PLAGL1: variants seen among roughly 807,000 people sequenced by gnomAD.
PLAGL1 encodes the protein zinc finger protein PLAGL1.
Under a neutral mutation model 4.6 loss-of-function variants are expected in PLAGL1, and 1 was observed. The ratio of observed to expected loss-of-function variants is 0.22; its 90% CI spans 0.08 to 1.03. The LOEUF (loss-of-function observed/expected upper bound fraction) is 1.03. Among genes scored for constraint, PLAGL1 ranks in the 50% least tolerant of loss-of-function variants. The probability of loss-of-function intolerance (pLI) is 0.58; values close to 1 mark genes in which losing one functional copy is unlikely to be tolerated. For synonymous variants in PLAGL1, 240 were observed against 237.8 expected, an observed-to-expected ratio of 1.01 and a Z score of -0.08; for missense variants, 464 against 570.4, an observed-to-expected ratio of 0.81 and a Z score of 1.90.
chr6:143,998,733 C>T (rs917436807), intron 1 of PLAGL1, among the ~76,000 whole-genome samples: 2 of 151,650 alleles, frequency 1.3e-5, no homozygotes, highest in East Asian at 1.9e-4. Context: ...AGTGAGTATT[C>T]TCTGAACAGA....
intron 1 of PLAGL1, among the ~76,000 whole-genome samples, chr6:144,002,457 T>G (rs185353616): frequency 2.0e-5 from 3 of 152,102 alleles, no homozygotes; most frequent in African/African-American, 7.2e-5. Flanking sequence ...AAAAAGAGAA[T>G]AGAATTGTAA....
rs193188747 is a variant in PLAGL1 at position 143,974,026 on chromosome 6, G to A, written c.-543-5048C>T. Among the ~76,000 whole-genome samples the A allele has an allele frequency of 3.1e-3, 466 of 152,300 alleles. 3 individuals are homozygous for A. Among genetic ancestry groups the A allele is most frequent in the African/African-American group, 0.011 (438 of 41,572 alleles). ...TGTATAAATGAGTTGTGTGTTTGTT[G>A]GGGTGAGGATGGTTAGTCAAGGAGA... On this transcript the variant is annotated intron_variant, in intron 2 of 7. Coordinates refer to ENST00000674357, the MANE Select transcript of PLAGL1 (RefSeq NM_001317162.2).
In PLAGL1 at chr6:143,970,511, C is replaced by A. The variant is rs1583300180; in HGVS notation, c.-543-1533G>T. Among the ~76,000 whole-genome samples, 1 of 152,026 alleles carries A rather than the reference C, an allele frequency of 6.6e-6. No individual in the cohort carries two copies. The highest frequency in any genetic ancestry group is 1.9e-4 in the East Asian group (1 of 5,200). On this transcript the variant is annotated intron_variant, in intron 2 of 7. Transcript: ENST00000674357. This position sits in a 1 kb window ranked among gnomAD's most constrained non-coding sequence, Gnocchi z 5.8. ...TAGATAGTTCTGTATTTCAGAATAG[C>A]TTTCTTGCAACTAAATCTAGTGGGT...
chr6:143,974,225 T>G (rs1359395294), intron 2 of PLAGL1, among the ~76,000 whole-genome samples: 2 of 152,234 alleles, frequency 1.3e-5, no homozygotes, highest in African/African-American at 4.8e-5. Flanking sequence ...CTCCGTTCCA[T>G]TTGTCACTAA....
In PLAGL1 at chr6:144,055,764, C is replaced by T. The variant is rs1256980049; in HGVS notation, c.-151+8704G>A. On this transcript the variant is annotated intron_variant, in intron 1 of 3. Transcript: ENST00000437412. The surrounding 1 kb of genome is among the most constrained non-coding windows in gnomAD (Gnocchi z 5.0). ...GGTGCCTTTAGGAAAGTGAAAGCTACATTTACATTATTAACGATAACAAGT... is the reference window on the plus strand; with the variant it reads ...GGTGCCTTTAGGAAAGTGAAAGCTATATTTACATTATTAACGATAACAAGT... Among the ~76,000 whole-genome samples, 1 of 152,202 alleles carries T rather than the reference C, an allele frequency of 6.6e-6. No homozygotes were observed. Among genetic ancestry groups the T allele is most frequent in the Non-Finnish European group, 1.5e-5 (1 of 68,040 alleles).
intron 1 of PLAGL1, among the ~76,000 whole-genome samples, chr6:144,002,563 A>C (rs549275236): frequency 1.7e-4 from 26 of 152,302 alleles, no homozygotes; most frequent in African/African-American, 6.0e-4. Flanking sequence ...CAAAACTATA[A>C]GTGAATTTAG....
intron 1 of PLAGL1, among the ~76,000 whole-genome samples, chr6:144,040,748 C>G (rs1056011885): frequency 1.8e-4 from 27 of 151,822 alleles, no homozygotes; most frequent in Non-Finnish European, 3.7e-4. Flanking sequence ...TAGCACATGC[C>G]TGTAATCCCA....
chr6:143,955,271 G>A lies in PLAGL1; in HGVS notation c.-325+5198C>T, dbSNP rs1415791846. Among the ~76,000 whole-genome samples, 1 of 152,144 alleles carries A rather than the reference G, an allele frequency of 6.6e-6. No homozygotes were observed. The highest frequency in any genetic ancestry group is 2.4e-5 in the African/African-American group (1 of 41,446). On this transcript the variant is annotated intron_variant, in intron 6 of 7. Coordinates refer to ENST00000674357, the MANE Select transcript of PLAGL1 (RefSeq NM_001317162.2). The surrounding 1 kb of genome is among the most constrained non-coding windows in gnomAD (Gnocchi z 4.9). ...GGAGGTGGTCTATTTCAGGCCAAGG[G>A]AATGAATCCAACCACCTGGAGAATA...
chr6:143,980,942 T>G (rs868234513), intron 2 of PLAGL1, among the ~76,000 whole-genome samples: 5 of 152,194 alleles, frequency 3.3e-5, no homozygotes, highest in Admixed American at 6.5e-5. Context: ...TAAATAAAAT[T>G]TTATTGGAAT....
At position 143,997,334 on chromosome 6, in the gene PLAGL1, G is replaced by A. The variant is rs575038005; in HGVS notation, c.-584+10756C>T. ...TGTCCACCAAAAGACTTGTGAATGA[G>A]TATTCACAGCAGGTCTATTTGTAAG... On this transcript the variant is annotated intron_variant, in intron 1 of 7. Coordinates refer to ENST00000674357, the MANE Select transcript of PLAGL1 (RefSeq NM_001317162.2). This position sits in a 1 kb window ranked among gnomAD's most constrained non-coding sequence, Gnocchi z 4.6. 9.4e-4 allele frequency among the ~76,000 whole-genome samples: 143 copies of A among 152,230 alleles called. No individual in the cohort carries two copies. Among genetic ancestry groups the A allele is most frequent in the African/African-American group, 3.3e-3 (138 of 41,524 alleles).
At chr6:144,010,101 T>A (rs966211491), upstream of PLAGL1, among the ~76,000 whole-genome samples, 3 of 152,206 alleles carry the variant, frequency 2.0e-5, no homozygotes, top group African/African-American at 7.2e-5. This position sits in a 1 kb window ranked among gnomAD's most constrained non-coding sequence, Gnocchi z 4.1. Context: ...CACACTGTCT[T>A]CCACGATGGT....
At chr6:143,986,005 T>C (rs1004297332) in intron 1 of PLAGL1, among the ~76,000 whole-genome samples, 1 of 138,218 alleles carries the variant, frequency 7.2e-6, no homozygotes, top group Admixed American at 7.3e-5. Flanking sequence ...TATATATATA[T>C]ATATATCATT....
In PLAGL1 at chr6:143,960,410, G is replaced by A. The variant is rs78390901; in HGVS notation, c.-325+59C>T. 1 of 152,324 alleles carries A rather than the reference G, an allele frequency of 6.6e-6. No homozygotes were observed. The highest frequency in any genetic ancestry group is 1.9e-4 in the East Asian group (1 of 5,192). 9.4% of individuals were successfully genotyped at this position (152,324 alleles called of 1,614,324 possible). On this transcript the variant is annotated intron_variant, in intron 6 of 7. Transcript: ENST00000674357. This position sits in a 1 kb window ranked among gnomAD's most constrained non-coding sequence, Gnocchi z 5.7. The stretch of plus-strand genomic sequence containing the variant: ...TCCAGCATGTTCTTGCCTATGATGT[G>A]TTTCCAAGCAATCGTTAATAAACAT...
intron 1 of PLAGL1, among the ~76,000 whole-genome samples, chr6:144,017,471 T>C (rs1353937220): frequency 1.3e-5 from 2 of 152,206 alleles, no homozygotes; most frequent in African/African-American, 4.8e-5. Flanking sequence ...GACTGACATT[T>C]AGTCAACATA....
At position 143,942,271 on chromosome 6, in the gene PLAGL1, T is replaced by C; in HGVS notation, c.545A>G (p.Lys182Arg). 6.2e-7 allele frequency: 1 copy of C among 1,614,084 alleles called. No homozygotes were observed. Among genetic ancestry groups the C allele is most frequent in the African/African-American group, 1.3e-5 (1 of 75,030 alleles). The change falls in exon 8 of 8, where the codon AAG (lysine) becomes AGG (arginine). Residue 182 changes from lysine to arginine, a missense_variant. Lys to Arg is a conservative substitution (Grantham distance 26). Around this residue, in one of 4 missense-constraint regions of PLAGL1, gnomAD observed 35 missense variants for 77.3 expected, o/e 0.45. Coordinates refer to ENST00000674357, the MANE Select transcript of PLAGL1 (RefSeq NM_001317162.2). This position sits in a 1 kb window ranked among gnomAD's most constrained non-coding sequence, Gnocchi z 7.6. ...RRHLVVHTGC[K>R]DFLCQFCAQR... ...GGCACAGAACTGGCACAGGAAGTCC[T>C]TGCATCCTGTGTGGACCACCAGGTG...
intron 1 of PLAGL1, among the ~76,000 whole-genome samples, chr6:144,002,669 ACT>A (rs1031979180): frequency 2.6e-5 from 4 of 152,200 alleles, no homozygotes; most frequent in African/African-American, 2.4e-5. Context: ...GAAAAAAAAA[ACT>A]CCACCACTTA....
chr6:143,972,027 C>A lies in PLAGL1; in HGVS notation c.-543-3049G>T, dbSNP rs1785516115. 6.6e-6 allele frequency among the ~76,000 whole-genome samples: 1 copy of A among 152,174 alleles called. No individual in the cohort carries two copies. Among genetic ancestry groups the A allele is most frequent in the South Asian group, 2.1e-4 (1 of 4,836 alleles). ...ACAAACTTGCTAAAGCAAAAAAGGG[C>A]ATAATAGTTCTCTGCAGAGGAAGAA... On this transcript the variant is annotated intron_variant, in intron 2 of 7. Coordinates refer to ENST00000674357, the MANE Select transcript of PLAGL1 (RefSeq NM_001317162.2). The surrounding 1 kb of genome is among the most constrained non-coding windows in gnomAD (Gnocchi z 6.8).
chr6:143,987,361 A>G (rs1379041064), intron 1 of PLAGL1, among the ~76,000 whole-genome samples: 1 of 149,294 alleles, frequency 6.7e-6, no homozygotes, highest in Non-Finnish European at 1.5e-5. Flanking sequence ...GGTTGGCTCT[A>G]CTTCATCAGA....
chr6:144,015,099 T>A lies in PLAGL1; in HGVS notation c.-150-46121A>T, dbSNP rs1263665812. ...TTCAATACAGTACCCATAAGCCATG[T>A]ATGGCTATGACGTAGCTAGTTCAAA... is the stretch of plus-strand genomic sequence containing the variant. On this transcript the variant is annotated intron_variant, in intron 1 of 3. Transcript: ENST00000437412. The surrounding 1 kb of genome is among the most constrained non-coding windows in gnomAD (Gnocchi z 4.3). Among the ~76,000 whole-genome samples the A allele has an allele frequency of 6.6e-6, 1 of 152,244 alleles. No homozygotes were observed. Among genetic ancestry groups the A allele is most frequent in the Admixed American group, 6.5e-5 (1 of 15,286 alleles).
Sources: gnomAD v4.1 joint callset for allele counts (sites outside exome capture counted in the v4.1 genomes callset) on GRCh38, gnomAD v4.1.1 for gene constraint, gnomAD v4.1.1 regional missense constraint, Gnocchi (gnomAD v3.1) non-coding constraint, MANE v1.5 for transcripts, NCBI Gene and HGNC (gene_info 2026-07-23, HGNC 2026-07-21) for gene names.